Variants in GRID2 observed in about 807,000 individuals in gnomAD.
GRID2 encodes glutamate receptor ionotropic, delta-2.
GRID2 carries 33 observed loss-of-function variants against 114.8 expected under a neutral mutation model. The observed-to-expected ratio is 0.29, with a 90% CI of 0.22 to 0.38. The LOEUF (loss-of-function observed/expected upper bound fraction) is 0.38, where lower values mean the gene tolerates loss of function less well. Ranked by LOEUF, GRID2 falls within the 10% of genes least tolerant of loss-of-function variation. The pLI, the probability that GRID2 is intolerant of heterozygous loss-of-function variation, is 1.00. For synonymous variants in GRID2, 505 were observed against 449.9 expected, an observed-to-expected ratio of 1.12 and a Z score of -1.55; for missense variants, 1,184 against 1,257.7, an observed-to-expected ratio of 0.94 and a Z score of 0.89.
At chr4:92,313,966 A>G (rs1008712087) in intron 1 of GRID2, among the ~76,000 whole-genome samples, 4 of 152,126 alleles carry the variant, frequency 2.6e-5, no homozygotes, top group Admixed American at 6.6e-5. Context: ...ATATATATGT[A>G]ATTTTCTGAA....
intron 1 of GRID2, among the ~76,000 whole-genome samples, chr4:92,539,495 T>G (rs978502852): frequency 3.9e-5 from 6 of 152,292 alleles, no homozygotes; most frequent in African/African-American, 1.4e-4. Context: ...ATTTAAATTT[T>G]TATTACTTTT....
At chr4:93,370,540 G>T (rs1762788398) in intron 8 of GRID2, among the ~76,000 whole-genome samples, 1 of 151,414 alleles carries the variant, frequency 6.6e-6, no homozygotes. Flanking sequence ...CAGTCACACA[G>T]AATTGTTCAC....
chr4:93,475,427 A>T (rs1439461205), intron 11 of GRID2, among the ~76,000 whole-genome samples: 1 of 152,128 alleles, frequency 6.6e-6, no homozygotes, highest in Non-Finnish European at 1.5e-5. Context: ...CAAATTATAA[A>T]TCTAATGTAT....
chr4:93,737,155 A>C (rs1407603782), intron 14 of GRID2, among the ~76,000 whole-genome samples: 3 of 152,102 alleles, frequency 2.0e-5, no homozygotes, highest in African/African-American at 7.2e-5. Context: ...GTAAAAGCTC[A>C]AAGAGTGTTA....
intron 1 of GRID2, among the ~76,000 whole-genome samples, chr4:92,429,727 C>G (rs1046243161): frequency 1.1e-4 from 16 of 152,088 alleles, no homozygotes; most frequent in Non-Finnish European, 1.9e-4. Flanking sequence ...CAGAAGTGTA[C>G]AAGCATTCTG....
chr4:93,418,740 A>G (rs1474302362), intron 9 of GRID2, among the ~76,000 whole-genome samples: 2 of 152,084 alleles, frequency 1.3e-5, no homozygotes, highest in East Asian at 1.9e-4. Flanking sequence ...TTGTTTGGAC[A>G]TCATATTCAA....
intron 1 of GRID2, among the ~76,000 whole-genome samples, chr4:92,308,897 A>G (rs1400626945): frequency 6.6e-6 from 1 of 152,002 alleles, no homozygotes; most frequent in African/African-American, 2.4e-5. Context: ...TAACTGTGTA[A>G]ACGTCTAGAA....
chr4:92,908,477 T>C (rs1353907079), intron 2 of GRID2, among the ~76,000 whole-genome samples: 2 of 149,732 alleles, frequency 1.3e-5, no homozygotes, highest in Non-Finnish European at 3.0e-5. Flanking sequence ...CCATTACTTG[T>C]CGTGAACCTG....
chr4:92,431,973 T>A (rs1185351263), intron 1 of GRID2, among the ~76,000 whole-genome samples: 1 of 152,262 alleles, frequency 6.6e-6, no homozygotes, highest in Non-Finnish European at 1.5e-5. Context: ...AGCCCAGTAA[T>A]GCTGTGACTC....
chr4:93,590,181 T>C lies in GRID2; in HGVS notation c.2194-36088T>C, dbSNP rs182224442. Among the ~76,000 whole-genome samples, 130 of 150,964 alleles carry C rather than the reference T, an allele frequency of 8.6e-4. 1 individual carries two copies. The highest frequency in any genetic ancestry group is 7.8e-3 in the Admixed American group (118 of 15,134). ...AGGTTTTCTTCTAGGGTTTTTATGG[T>C]TTTAGGTCTAACGTTTTAAGTCTTT... On this transcript the variant is annotated intron_variant, in intron 13 of 15. Transcript: ENST00000282020.
At position 92,338,064 on chromosome 4, in the gene GRID2, G is replaced by T. The variant is rs181678701; in HGVS notation, c.88+33320G>T. Among the ~76,000 whole-genome samples, 277 of 152,226 alleles carry T rather than the reference G, an allele frequency of 1.8e-3. 1 individual carries two copies. The highest frequency in any genetic ancestry group is 6.3e-3 in the African/African-American group (260 of 41,542). On this transcript the variant is annotated intron_variant, in intron 1 of 15. Transcript: ENST00000282020. ...GTATCTGGTACAAAAAAGAACTAGG[G>T]ATGCTGCATGGAAGAGATTTTTCTT... is the stretch of plus-strand genomic sequence containing the variant.
At chr4:93,646,503 A>C (rs1474134046) in intron 14 of GRID2, among the ~76,000 whole-genome samples, 1 of 152,176 alleles carries the variant, frequency 6.6e-6, no homozygotes, top group Non-Finnish European at 1.5e-5. Context: ...ATACAATAGA[A>C]CCTTGAAAAA....
At chr4:92,519,577 C>T (rs1724667884) in intron 1 of GRID2, among the ~76,000 whole-genome samples, 1 of 149,700 alleles carries the variant, frequency 6.7e-6, no homozygotes, top group African/African-American at 2.5e-5. Context: ...ATAGGATATG[C>T]ATATATATAT....
chr4:93,133,778 C>G (rs1342492161), intron 4 of GRID2, among the ~76,000 whole-genome samples: 1 of 151,974 alleles, frequency 6.6e-6, no homozygotes, highest in Non-Finnish European at 1.5e-5. Flanking sequence ...GGAACATGCT[C>G]CTATAAATGG....
intron 2 of GRID2, among the ~76,000 whole-genome samples, chr4:93,003,209 T>C (rs1414818540): frequency 6.6e-6 from 1 of 151,958 alleles, no homozygotes; most frequent in East Asian, 1.9e-4. Flanking sequence ...TATAGAATTA[T>C]TTATTTAATC....
intron 14 of GRID2, among the ~76,000 whole-genome samples, chr4:93,756,694 C>T (rs920706916): frequency 2.6e-5 from 4 of 152,164 alleles, no homozygotes; most frequent in African/African-American, 9.7e-5. Context: ...TACAATGGGG[C>T]TTAGCGCTTC....
chr4:93,769,348 G>T lies in GRID2; in HGVS notation c.2499G>T (p.Gly833=). ...CCCTGGACATAAAGAGCTTTGCAGGGGTCTTTTGTATCCTGGCTGCTGGAA... is the reference window on the plus strand; with the variant it reads ...CCCTGGACATAAAGAGCTTTGCAGGTGTCTTTTGTATCCTGGCTGCTGGAA... ...GGALDIKSFA[G]VFCILAAGIV... is the part of the protein sequence containing the mutation. Residue 833 remains glycine, a synonymous_variant, in exon 15 of 16, where the codon GGG becomes GGT. Coordinates refer to ENST00000282020, the MANE Select transcript of GRID2 (RefSeq NM_001510.4). The T allele has an allele frequency of 6.2e-7, 1 of 1,614,006 alleles. No individual in the cohort carries two copies. Among genetic ancestry groups the T allele is most frequent in the African/African-American group, 1.3e-5 (1 of 75,020 alleles).
At chr4:93,623,314 G>A (rs1448338977) in intron 13 of GRID2, among the ~76,000 whole-genome samples, 1 of 115,396 alleles carries the variant, frequency 8.7e-6, no homozygotes, top group Non-Finnish European at 1.8e-5. Context: ...CTAGCCCCCT[G>A]ACCCCCCAAC....
intron 2 of GRID2, among the ~76,000 whole-genome samples, chr4:92,798,088 T>G (rs1739978702): frequency 6.6e-6 from 1 of 151,682 alleles, no homozygotes; most frequent in Non-Finnish European, 1.5e-5. Context: ...AAAGGGGGGG[T>G]TAAGTATCAT....
Sources: gnomAD v4.1 joint callset for allele counts (sites outside exome capture counted in the v4.1 genomes callset) on GRCh38, gnomAD v4.1.1 for gene constraint, MANE v1.5 for transcripts, NCBI Gene and HGNC (gene_info 2026-07-23, HGNC 2026-07-21) for gene names.